ANKS1B: variants seen among roughly 807,000 people sequenced by gnomAD.
ANKS1B encodes the protein ankyrin repeat and sterile alpha motif domain containing 1B, also known as ankyrin repeat and sterile alpha motif domain-containing protein 1B.
Under a neutral mutation model 148.3 loss-of-function variants are expected in ANKS1B, and 36 were observed. That is an observed-to-expected ratio of 0.24 (90% confidence interval 0.19 to 0.32). The LOEUF (loss-of-function observed/expected upper bound fraction) is 0.32, where lower values mean the gene tolerates loss of function less well. ANKS1B is among the 10% of genes least tolerant of loss of function. The pLI, the probability that ANKS1B is intolerant of heterozygous loss-of-function variation, is 1.00. For synonymous variants in ANKS1B, 542 were observed against 560.8 expected (o/e 0.97, Z 0.47); for missense variants, 1,157 against 1,542.6 (o/e 0.75, Z 4.19).
At chr12:99,399,518 A>G in intron 12 of ANKS1B, 113 bp downstream of exon 12, 1 of 1,086,244 alleles carries the variant, frequency 9.2e-7, no homozygotes, top group Non-Finnish European at 1.3e-6. Flanking sequence ...CCACACATGG[A>G]GGTGAACTAA....
chr12:98,894,368 A>G (rs974447588), intron 17 of ANKS1B, among the ~76,000 whole-genome samples: 5 of 151,936 alleles, frequency 3.3e-5, no homozygotes, highest in African/African-American at 1.2e-4. Context: ...GAGGAAAGGA[A>G]ATGGAAAATG....
intron 8 of ANKS1B, among the ~76,000 whole-genome samples, chr12:99,719,260 CA>C (rs1313492533): frequency 4.6e-5 from 7 of 152,320 alleles, no homozygotes; most frequent in African/African-American, 1.7e-4. Context: ...TCACACCTGA[CA>C]CATATACTTT....
At chr12:99,304,651 C>T (rs1411784450) in intron 12 of ANKS1B, among the ~76,000 whole-genome samples, 1 of 152,114 alleles carries the variant, frequency 6.6e-6, no homozygotes, top group Admixed American at 6.6e-5. Flanking sequence ...CACATTTTCT[C>T]TGCCACCCTG....
At chr12:99,523,039 C>G (rs2096890749) in intron 9 of ANKS1B, among the ~76,000 whole-genome samples, 1 of 152,172 alleles carries the variant, frequency 6.6e-6, no homozygotes, top group Non-Finnish European at 1.5e-5. Context: ...TTTTTCAAAT[C>G]AGAAATTAGG....
chr12:99,042,920 A>G (rs1432181913), intron 17 of ANKS1B, among the ~76,000 whole-genome samples: 1 of 152,178 alleles, frequency 6.6e-6, no homozygotes, highest in Non-Finnish European at 1.5e-5. Context: ...TGGATTCTCC[A>G]TTCTACCTGT....
At chr12:99,850,954 AT>A (rs565623906) in intron 1 of ANKS1B, among the ~76,000 whole-genome samples, 76 of 152,090 alleles carry the variant, frequency 5.0e-4, no homozygotes, top group Non-Finnish European at 9.3e-4. Flanking sequence ...TGCTCTTCCT[AT>A]TTTTTGTTTG....
chr12:98,795,531 A>G, intron 22 of ANKS1B: 1 of 402,288 alleles, frequency 2.5e-6, no homozygotes, highest in Admixed American at 3.4e-5. Context: ...CCTAGCAATG[A>G]TCTAGAAGCA....
intron 12 of ANKS1B, among the ~76,000 whole-genome samples, chr12:99,299,562 T>C (rs937459213): frequency 2.0e-5 from 3 of 152,228 alleles, no homozygotes; most frequent in African/African-American, 7.2e-5. Flanking sequence ...TTCTTAGTCC[T>C]AAGCTTCTAT....
chr12:99,262,708 CAT>C (rs1028362231), intron 12 of ANKS1B, among the ~76,000 whole-genome samples: 49 of 151,798 alleles, frequency 3.2e-4, no homozygotes, highest in South Asian at 8.3e-4. Context: ...AAAATTGAGA[CAT>C]GTTTATTTTA....
chr12:99,687,352 C>G (rs2098655447), intron 8 of ANKS1B, among the ~76,000 whole-genome samples: 1 of 152,046 alleles, frequency 6.6e-6, no homozygotes, highest in African/African-American at 2.4e-5. Flanking sequence ...GTTTATTCAA[C>G]TTATTGGATC....
chr12:99,788,051 A>G (rs188362021), intron 4 of ANKS1B, among the ~76,000 whole-genome samples: 8 of 152,344 alleles, frequency 5.3e-5, no homozygotes, highest in Non-Finnish European at 8.8e-5. Flanking sequence ...AGTCTAGGAC[A>G]CAAGGACTGC....
chr12:99,829,458 G>A (rs963229951), intron 1 of ANKS1B, among the ~76,000 whole-genome samples: 3 of 152,088 alleles, frequency 2.0e-5, no homozygotes, highest in African/African-American at 4.8e-5. Context: ...AGACCATCCT[G>A]GCTAACATGG....
chr12:99,827,492 G>T (rs1388144321), intron 1 of ANKS1B, among the ~76,000 whole-genome samples: 1 of 152,054 alleles, frequency 6.6e-6, no homozygotes, highest in African/African-American at 2.4e-5. Context: ...TACCAAAATT[G>T]CACTGTATAC....
intron 12 of ANKS1B, among the ~76,000 whole-genome samples, chr12:99,388,347 T>A (rs1167236805): frequency 6.6e-6 from 1 of 152,160 alleles, no homozygotes; most frequent in Non-Finnish European, 1.5e-5. Context: ...ATTTTGGGAA[T>A]GATAGGATAG....
chr12:99,434,562 A>G (rs1252668424), intron 11 of ANKS1B, among the ~76,000 whole-genome samples: 3 of 152,178 alleles, frequency 2.0e-5, no homozygotes, highest in Admixed American at 1.3e-4. Flanking sequence ...TAATAACCAC[A>G]TTTATTTTCA....
chr12:99,005,816 G>A (rs964838810), intron 17 of ANKS1B, among the ~76,000 whole-genome samples: 3 of 152,170 alleles, frequency 2.0e-5, no homozygotes, highest in Non-Finnish European at 4.4e-5. Flanking sequence ...TAAAGCAGAT[G>A]TGAGTCAAAA....
chr12:99,688,412 T>C (rs910412941), intron 8 of ANKS1B, among the ~76,000 whole-genome samples: 1 of 152,266 alleles, frequency 6.6e-6, no homozygotes, highest in Non-Finnish European at 1.5e-5. Context: ...TATCGCCTAA[T>C]GGCCAACAAC....
intron 12 of ANKS1B, among the ~76,000 whole-genome samples, chr12:99,361,167 A>T (rs2152429300): frequency 6.6e-6 from 1 of 152,268 alleles, no homozygotes; most frequent in East Asian, 1.9e-4. Context: ...GAAGGGATGG[A>T]TACCTCATTC....
rs527534553 is a variant in ANKS1B at position 99,797,347 on chromosome 12, C to T, written c.669+9057G>A. Among the ~76,000 whole-genome samples the T allele has an allele frequency of 3.9e-5, 6 of 151,982 alleles. No individual in the cohort carries two copies. The East Asian group carries it at 1.2e-3, about 29-fold the overall frequency. On this transcript the variant is annotated intron_variant, in intron 4 of 26. Coordinates refer to ENST00000683438, the MANE Select transcript of ANKS1B (RefSeq NM_001352186.2). ...TTCTGTACATCTCAGCATTCTGCCC[C>T]AAATCTACAACCCATAACCGGCCAG...
Sources: allele counts gnomAD v4.1 joint callset (sites outside exome capture counted in the v4.1 genomes callset), GRCh38; gene constraint gnomAD v4.1.1; transcripts MANE v1.5; gene names NCBI Gene and HGNC (gene_info 2026-07-23, HGNC 2026-07-21).